Variants in LHFPL3 observed in about 807,000 individuals in gnomAD.
LHFPL3 encodes LHFPL tetraspan subfamily member 3 protein.
In LHFPL3, 5 loss-of-function variants were observed where a neutral mutation model predicts 19.3. That is an observed-to-expected ratio of 0.26 (90% CI 0.14 to 0.54). The LOEUF is 0.54. LHFPL3 is among the 20% of genes least tolerant of loss of function. The pLI, the probability that LHFPL3 is intolerant of heterozygous loss-of-function variation, is 0.94. For missense variants in LHFPL3, 249 were observed against 307.4 expected (o/e 0.81, Z 1.42); for synonymous variants, 133 against 126.2 (o/e 1.05, Z -0.36).
At chr7:104,398,011 T>C (rs1791226887) in intron 1 of LHFPL3, among the ~76,000 whole-genome samples, 1 of 152,076 alleles carries the variant, frequency 6.6e-6, no homozygotes, top group Admixed American at 6.6e-5. Context: ...AGGATGATAA[T>C]CCAACTCCTT....
At chr7:104,462,393 T>C (rs1584336279) in intron 1 of LHFPL3, among the ~76,000 whole-genome samples, 1 of 152,212 alleles carries the variant, frequency 6.6e-6, no homozygotes, top group Non-Finnish European at 1.5e-5. Context: ...TATTTTGAGG[T>C]ATGTTCCTTC....
intron 1 of LHFPL3, among the ~76,000 whole-genome samples, chr7:104,510,649 T>TA (rs143902752): frequency 0.025 from 3,844 of 152,164 alleles, 145 homozygotes; most frequent in African/African-American, 0.085. Flanking sequence ...AGACTTGACA[T>TA]AAAAAACACA....
intron 1 of LHFPL3, among the ~76,000 whole-genome samples, chr7:104,458,520 C>G (rs1258336889): frequency 6.6e-6 from 1 of 151,976 alleles, no homozygotes; most frequent in Non-Finnish European, 1.5e-5. Context: ...TTACTGTAGC[C>G]TTGTAGTATA....
At position 104,736,999 on chromosome 7, in the gene LHFPL3, T is replaced by C; in HGVS notation, c.682+88T>C. On this transcript the variant is annotated intron_variant, in intron 2 of 2. Coordinates refer to ENST00000424859, the MANE Select transcript of LHFPL3 (RefSeq NM_199000.3). ...TTCTTTCCCCTCAAATACTAGTGCT[T>C]CCCCTGAGGTTCTAATTTGCTGCCT... The C allele has an allele frequency of 4.8e-6, 5 of 1,036,002 alleles. No individual in the cohort carries two copies. In the East Asian group the frequency reaches 1.0e-4, roughly 22 times the overall value. The allele number at this position is 1,036,002 out of a possible 1,614,324, so 64.2% of individuals were successfully genotyped here. A position where few individuals can be genotyped will look rare whatever the true frequency, so the allele number is the denominator to read the frequency against.
At chr7:104,853,660 A>G (rs1671438720) in intron 2 of LHFPL3, among the ~76,000 whole-genome samples, 2 of 152,222 alleles carry the variant, frequency 1.3e-5, no homozygotes, top group East Asian at 1.9e-4. Context: ...AAATCCCACA[A>G]CAAGATGAGA....
chr7:104,635,799 G>T (rs899482654), intron 1 of LHFPL3, among the ~76,000 whole-genome samples: 2 of 152,186 alleles, frequency 1.3e-5, no homozygotes, highest in African/African-American at 4.8e-5. Flanking sequence ...CAGCAGGAAA[G>T]CTCTGCCCAG....
chr7:104,402,199 A>G (rs1020296051), intron 1 of LHFPL3, among the ~76,000 whole-genome samples: 1 of 152,222 alleles, frequency 6.6e-6, no homozygotes, highest in Non-Finnish European at 1.5e-5. Context: ...AGTTTTAAAC[A>G]CTGGGCTTTC....
intron 1 of LHFPL3, among the ~76,000 whole-genome samples, chr7:104,588,903 A>G (rs1790643124): frequency 4.5e-5 from 1 of 22,260 alleles, no homozygotes; most frequent in African/African-American, 1.0e-4. Flanking sequence ...TTCACTCAAG[A>G]TTTGGCTCTC....
chr7:104,537,266 G>A, intron 1 of LHFPL3, among the ~76,000 whole-genome samples: 1 of 152,108 alleles, frequency 6.6e-6, no homozygotes, highest in Non-Finnish European at 1.5e-5. Context: ...CCAGTTAACA[G>A]TAATTATTTC....
chr7:104,396,798 A>AAC (rs140544708), intron 1 of LHFPL3, among the ~76,000 whole-genome samples: 1,933 of 150,786 alleles, frequency 0.013, 47 homozygotes, highest in African/African-American at 0.043. Flanking sequence ...CTCTACCAAA[A>AAC]ACACACACAC....
At chr7:104,862,917 CTG>C (rs1791644401) in intron 2 of LHFPL3, among the ~76,000 whole-genome samples, 1 of 152,176 alleles carries the variant, frequency 6.6e-6, no homozygotes, top group Non-Finnish European at 1.5e-5. Context: ...GCCTGGTGGT[CTG>C]ATACAGTAAC....
chr7:104,874,830 G>A (rs990783969), intron 2 of LHFPL3, among the ~76,000 whole-genome samples: 1 of 151,720 alleles, frequency 6.6e-6, no homozygotes, highest in Non-Finnish European at 1.5e-5. Context: ...TTAAAACTCA[G>A]CAGTTTGATG....
chr7:104,834,819 C>G (rs2116571504), intron 2 of LHFPL3, among the ~76,000 whole-genome samples: 2 of 152,062 alleles, frequency 1.3e-5, no homozygotes, highest in Middle Eastern at 3.4e-3. Flanking sequence ...TAATAGTACT[C>G]TATAGCACTG....
At chr7:104,809,466 C>T (rs1329303644) in intron 2 of LHFPL3, among the ~76,000 whole-genome samples, 2 of 152,214 alleles carry the variant, frequency 1.3e-5, no homozygotes, top group East Asian at 1.9e-4. Context: ...GGCACTCAAC[C>T]TGGATACAGG....
intron 1 of LHFPL3, among the ~76,000 whole-genome samples, chr7:104,592,421 G>A (rs1346382958): frequency 0.012 from 65 of 5,486 alleles, no homozygotes; most frequent in South Asian, 0.018. Context: ...TATCACCAGC[G>A]GAGGCTGCAG....
intron 1 of LHFPL3, among the ~76,000 whole-genome samples, chr7:104,666,755 C>G (rs1438430592): frequency 6.6e-6 from 1 of 151,648 alleles, no homozygotes; most frequent in Non-Finnish European, 1.5e-5. Flanking sequence ...ATCTCCTGAC[C>G]TCGTGATCCG....
At chr7:104,775,396 C>CATCA (rs755353484) in intron 2 of LHFPL3, among the ~76,000 whole-genome samples, 2 of 152,106 alleles carry the variant, frequency 1.3e-5, no homozygotes, top group African/African-American at 4.8e-5. Flanking sequence ...ACCCTGTTTC[C>CATCA]ATCAATCAAT....
At chr7:104,546,068 G>A (rs1794574231) in intron 1 of LHFPL3, among the ~76,000 whole-genome samples, 1 of 152,160 alleles carries the variant, frequency 6.6e-6, no homozygotes. Flanking sequence ...TTCTGGCCTG[G>A]TATCAGCAAA....
chr7:104,468,120 T>C (rs1792828812), intron 1 of LHFPL3, among the ~76,000 whole-genome samples: 1 of 152,240 alleles, frequency 6.6e-6, no homozygotes, highest in South Asian at 2.1e-4. Context: ...TTGATTTCAA[T>C]ATCAAACTGC....
Sources: gnomAD v4.1 joint callset for allele counts (sites outside exome capture counted in the v4.1 genomes callset) on GRCh38, gnomAD v4.1.1 for gene constraint, MANE v1.5 for transcripts, NCBI Gene and HGNC (gene_info 2026-07-23, HGNC 2026-07-21) for gene names.